CHN1: variants seen among roughly 807,000 people sequenced by gnomAD.
CHN1 encodes the protein chimerin 1.
CHN1 carries 37 observed loss-of-function variants against 59.5 expected under a neutral mutation model. The observed-to-expected ratio is 0.62, with a 90% confidence interval of 0.48 to 0.82. The LOEUF (loss-of-function observed/expected upper bound fraction) is 0.82. Among genes scored for constraint, CHN1 ranks in the 40% least tolerant of loss-of-function variants. The pLI, the probability that CHN1 is intolerant of heterozygous loss-of-function variation, is 0.00. For synonymous variants in CHN1, 206 were observed against 200.4 expected, an observed-to-expected ratio of 1.03 and a Z score of -0.24; for missense variants, 469 against 571.0, an observed-to-expected ratio of 0.82 and a Z score of 1.82.
At chr2:174,864,198 C>T (rs1558957686) in intron 6 of CHN1, among the ~76,000 whole-genome samples, 3 of 152,100 alleles carry the variant, frequency 2.0e-5, no homozygotes, top group South Asian at 4.1e-4. Flanking sequence ...TACATATAGA[C>T]TCTAGAGTAT....
intron 5 of CHN1, among the ~76,000 whole-genome samples, chr2:174,906,789 A>G (rs1688555881): frequency 6.6e-6 from 1 of 152,210 alleles, no homozygotes; most frequent in Non-Finnish European, 1.5e-5. Context: ...GAAAACAGGA[A>G]GAAAAAGAAT....
rs376828987 is a variant in CHN1 at position 174,799,054 on chromosome 2, T to C, written c.*1062A>G. ...CAGGCAGCATTGTCAGCTCAATGCA[T>C]GTTGATGTCATATATTTTTGACAAA... On this transcript the variant is annotated 3_prime_UTR_variant, in exon 13 of 13. Coordinates refer to ENST00000409900, the MANE Select transcript of CHN1 (RefSeq NM_001822.7). 2.0e-3 allele frequency among the ~76,000 whole-genome samples: 299 copies of C among 152,338 alleles called. 1 individual carries two copies. In the South Asian group the frequency reaches 0.027, roughly 14 times the overall value.
chr2:174,903,498 A>C (rs1688452543), intron 5 of CHN1, among the ~76,000 whole-genome samples: 1 of 152,226 alleles, frequency 6.6e-6, no homozygotes, highest in Non-Finnish European at 1.5e-5. Flanking sequence ...ATAGAAAGTA[A>C]TTGTGAATGG....
chr2:174,959,611 C>T (rs1690334929), intron 1 of CHN1, among the ~76,000 whole-genome samples: 1 of 152,200 alleles, frequency 6.6e-6, no homozygotes, highest in Admixed American at 6.5e-5. Context: ...ACAGAAGACA[C>T]TCATAGCTCA....
intron 6 of CHN1, among the ~76,000 whole-genome samples, chr2:174,857,065 T>A (rs1686922732): frequency 6.6e-6 from 1 of 152,192 alleles, no homozygotes. Flanking sequence ...ATACAGTTAT[T>A]AATATCATAA....
intron 6 of CHN1, among the ~76,000 whole-genome samples, chr2:174,847,934 A>T (rs943154506): frequency 6.6e-6 from 1 of 152,216 alleles, no homozygotes; most frequent in African/African-American, 2.4e-5. Context: ...CACCACTGCC[A>T]GGTAAATTAT....
rs150583012 is a variant in CHN1, at chr2:174,875,591, C to T, written c.549+2249G>A. Among the ~76,000 whole-genome samples the T allele has an allele frequency of 1.9e-3, 289 of 152,316 alleles. 3 individuals carry two copies. The highest frequency in any genetic ancestry group is 6.6e-3 in the African/African-American group (276 of 41,574). ...AAAATTCATTCTTGTAGAACTAGAA[C>T]ATAGCTCTTAATTCCAACACTAGTA... On this transcript the variant is annotated intron_variant, in intron 6 of 12. Transcript: ENST00000409900.
chr2:174,820,223 A>T (rs1685437446), intron 8 of CHN1, among the ~76,000 whole-genome samples: 1 of 152,164 alleles, frequency 6.6e-6, no homozygotes, highest in African/African-American at 2.4e-5. Flanking sequence ...TTCTAGTTCT[A>T]GATCCCTAAG....
intron 3 of CHN1, among the ~76,000 whole-genome samples, chr2:174,929,783 A>C (rs774752500): frequency 2.0e-5 from 3 of 152,200 alleles, no homozygotes; most frequent in African/African-American, 7.2e-5. Flanking sequence ...GGAAACTACC[A>C]ATCTGTTTAT....
chr2:174,891,444 C>G (rs1334003750), intron 5 of CHN1, among the ~76,000 whole-genome samples: 1 of 151,372 alleles, frequency 6.6e-6, no homozygotes, highest in African/African-American at 2.4e-5. Context: ...GTGGTGGGCA[C>G]TTGTAATCCC....
chr2:174,855,686 C>T (rs1686878681), intron 6 of CHN1, among the ~76,000 whole-genome samples: 1 of 152,008 alleles, frequency 6.6e-6, no homozygotes, highest in South Asian at 2.1e-4. Flanking sequence ...AAATGCTTTA[C>T]ATGTATGATA....
intron 7 of CHN1, among the ~76,000 whole-genome samples, chr2:174,826,724 G>A (rs1447077489): frequency 6.6e-6 from 1 of 152,212 alleles, no homozygotes; most frequent in Non-Finnish European, 1.5e-5. Context: ...GAAAGTAGCA[G>A]TGAATGTGGC....
At chr2:174,899,336 C>G (rs1337738027) in intron 5 of CHN1, among the ~76,000 whole-genome samples, 1 of 152,200 alleles carries the variant, frequency 6.6e-6, no homozygotes, top group Non-Finnish European at 1.5e-5. Flanking sequence ...AATAAAAACA[C>G]TTACATCCTG....
At chr2:174,969,666 G>A (rs1417607046) in intron 1 of CHN1, among the ~76,000 whole-genome samples, 4 of 151,614 alleles carry the variant, frequency 2.6e-5, no homozygotes, top group Admixed American at 2.6e-4. Flanking sequence ...CATTTAAAAA[G>A]TTCAAAACCC....
chr2:174,815,589 C>CTTTTTTTTTTTT (rs5836474), intron 8 of CHN1, among the ~76,000 whole-genome samples: 1 of 127,568 alleles, frequency 7.8e-6, no homozygotes, highest in Non-Finnish European at 1.7e-5. Flanking sequence ...CGGATATTTC[C>CTTTTTTTTTTTT]TTTTTTTTTT....
chr2:174,982,942 C>G (rs908265282), intron 1 of CHN1, among the ~76,000 whole-genome samples: 2 of 151,908 alleles, frequency 1.3e-5, no homozygotes, highest in African/African-American at 4.8e-5. Context: ...AAACTGGATT[C>G]TAATGAAGAC....
chr2:174,979,498 C>T (rs772107569), intron 1 of CHN1, among the ~76,000 whole-genome samples: 6 of 152,120 alleles, frequency 3.9e-5, no homozygotes, highest in Non-Finnish European at 7.3e-5. Flanking sequence ...ATGTGCAACC[C>T]AAGGGGTACA....
At chr2:174,833,795 C>CTT (rs35604734) in intron 7 of CHN1, among the ~76,000 whole-genome samples, 12 of 112,876 alleles carry the variant, frequency 1.1e-4, no homozygotes, top group African/African-American at 3.8e-4. Context: ...ACATACACAT[C>CTT]TTTTTTTTTT....
chr2:174,990,272 A>AGAGAGAGAGAGAGAGCGCGAGCGC, intron 1 of CHN1, among the ~76,000 whole-genome samples: 2 of 119,192 alleles, frequency 1.7e-5, no homozygotes, highest in Non-Finnish European at 3.4e-5. Flanking sequence ...TGAGAGAGAG[A>AGAGAGAGAGAGAGAGCGCGAGCGC]GAGAGAGAGA....
Sources: gnomAD v4.1 joint callset for allele counts (sites outside exome capture counted in the v4.1 genomes callset) on GRCh38, gnomAD v4.1.1 for gene constraint, MANE v1.5 for transcripts, NCBI Gene and HGNC (gene_info 2026-07-23, HGNC 2026-07-21) for gene names.